AHDC1: variants seen among roughly 807,000 people sequenced by gnomAD.
AHDC1 encodes AT-hook DNA binding motif containing 1.
Under a neutral mutation model 87.9 loss-of-function variants are expected in AHDC1, and 7 were observed. The ratio of observed to expected loss-of-function variants is 0.08; its 90% CI spans 0.05 to 0.15. The LOEUF (loss-of-function observed/expected upper bound fraction) is 0.15, where lower values mean the gene tolerates loss of function less well. Among genes scored for constraint, AHDC1 ranks in the 10% least tolerant of loss-of-function variants. The pLI is 1.00. For synonymous variants in AHDC1, 1,051 were observed against 1,006.8 expected, an observed-to-expected ratio of 1.04 and a Z score of -0.83; for missense variants, 1,841 against 2,253.2, an observed-to-expected ratio of 0.82 and a Z score of 3.70.
In AHDC1 at chr1:27,547,593, G is replaced by A. The variant is rs998488441; in HGVS notation, c.4523C>T (p.Pro1508Leu). ...ACLSAPHLAS[P>L]PATPKADKEP... is the part of the protein sequence containing the mutation. ...CTTGTCGGCCTTGGGCGTGGCTGGTGGGCTAGCCAGGTGAGGGGCACTGAG... is the reference window on the plus strand; with the variant it reads ...CTTGTCGGCCTTGGGCGTGGCTGGTAGGCTAGCCAGGTGAGGGGCACTGAG... The change falls in exon 8 of 9, where the codon CCA becomes CTA. Residue 1508 changes from proline to leucine, a missense_variant. This residue lies in a region of AHDC1 where 505 missense variants were observed against 626.2 expected (regional missense o/e 0.81). Transcript: ENST00000673934. The surrounding 1 kb of genome is among the most constrained non-coding windows in gnomAD (Gnocchi z 4.9). 1 of 1,606,208 alleles carries A rather than the reference G, an allele frequency of 6.2e-7. No homozygotes were observed. Among genetic ancestry groups the A allele is most frequent in the Non-Finnish European group, 8.5e-7 (1 of 1,177,174 alleles).
intron 3 of AHDC1, among the ~76,000 whole-genome samples, 155 bp downstream of exon 3, chr1:27,603,242 G>T (rs1452532840): frequency 6.8e-6 from 1 of 146,254 alleles, no homozygotes; most frequent in Non-Finnish European, 1.5e-5. Context: ...CGCGGGCCCC[G>T]GTGGAAACAA....
chr1:27,556,578 A>G (rs2019825721), intron 5 of AHDC1, among the ~76,000 whole-genome samples: 1 of 152,110 alleles, frequency 6.6e-6, no homozygotes, highest in South Asian at 2.1e-4. Flanking sequence ...TCCCAGGCAC[A>G]ATATCATAAT....
chr1:27,542,793 G>A (rs1192897771), intron 8 of AHDC1, among the ~76,000 whole-genome samples: 2 of 152,236 alleles, frequency 1.3e-5, no homozygotes, highest in Non-Finnish European at 2.9e-5. Flanking sequence ...GGGTGAGTCG[G>A]TATGGTCGTG....
At chr1:27,594,695 G>C (rs148831512) in intron 3 of AHDC1, among the ~76,000 whole-genome samples, 1 of 152,322 alleles carries the variant, frequency 6.6e-6, no homozygotes, top group Non-Finnish European at 1.5e-5. Flanking sequence ...GAGAGAGAGA[G>C]AGCGAGAGCA....
Position 27,549,468 on chromosome 1 carries a change from C to G in AHDC1, c.2648G>C (p.Arg883Pro). ...CCGGCTAGGGAAGGTGGCCAGGCCC[C>G]GCTGGGCAGGCAGGGCACTGGTGGG... ...GPPTSALPAQ[R>P]GLATFPSRGA... is the part of the protein sequence containing the mutation. The change falls in exon 8 of 9, where the codon CGG (arginine) becomes CCG (proline). Residue 883 changes from arginine (R) to proline (P), a missense_variant. This residue lies in a region of AHDC1 where 378 missense variants were observed against 399.0 expected (regional missense o/e 0.95). Coordinates refer to ENST00000673934, the MANE Select transcript of AHDC1 (RefSeq NM_001371928.1). 6.2e-7 allele frequency: 1 copy of G among 1,612,960 alleles called. No homozygotes were observed. Among genetic ancestry groups the G allele is most frequent in the Non-Finnish European group, 8.5e-7 (1 of 1,179,854 alleles).
chr1:27,565,861 A>T lies in AHDC1; in HGVS notation c.-628-6978T>A, dbSNP rs1470432166. Among the ~76,000 whole-genome samples the T allele has an allele frequency of 1.3e-5, 2 of 152,150 alleles. No individual in the cohort carries two copies. Among genetic ancestry groups the T allele is most frequent in the Admixed American group, 6.5e-5 (1 of 15,276 alleles). On this transcript the variant is annotated intron_variant, in intron 3 of 8. Transcript: ENST00000673934. This position sits in a 1 kb window ranked among gnomAD's most constrained non-coding sequence, Gnocchi z 4.6. ...AGTGGAAGGTAGACTAGATGGATGG[A>T]GCCCATCCCCTAAAACCCTGGAAAG...
chr1:27,577,019 C>G (rs947915223), intron 3 of AHDC1, among the ~76,000 whole-genome samples: 9 of 152,182 alleles, frequency 5.9e-5, no homozygotes, highest in Non-Finnish European at 1.2e-4. Context: ...CTACCTTGCA[C>G]TGGTGACAGC....
chr1:27,537,655 G>A (rs2018704984), intron 8 of AHDC1, among the ~76,000 whole-genome samples: 2 of 152,270 alleles, frequency 1.3e-5, no homozygotes, highest in South Asian at 4.1e-4. Context: ...ACCTATATGT[G>A]GTACTGCTGC....
At chr1:27,576,484 TA>T (rs1325620035) in intron 3 of AHDC1, among the ~76,000 whole-genome samples, 1 of 152,214 alleles carries the variant, frequency 6.6e-6, no homozygotes, top group Admixed American at 6.5e-5. Context: ...AACTCAATTA[TA>T]AGGCCTCCAT....
chr1:27,599,373 T>A (rs1248991272), intron 3 of AHDC1, among the ~76,000 whole-genome samples: 4 of 151,842 alleles, frequency 2.6e-5, no homozygotes, highest in Non-Finnish European at 5.9e-5. Context: ...CCTCCCTCCC[T>A]CTCTCTCCCG....
At chr1:27,597,316 A>T (rs1487209806) in intron 3 of AHDC1, among the ~76,000 whole-genome samples, 1 of 151,698 alleles carries the variant, frequency 6.6e-6, no homozygotes, top group Non-Finnish European at 1.5e-5. Flanking sequence ...GTGAGGGTGG[A>T]GATTTACATG....
chr1:27,555,239 G>A (rs888315025), intron 5 of AHDC1, among the ~76,000 whole-genome samples: 5 of 152,206 alleles, frequency 3.3e-5, no homozygotes, highest in African/African-American at 1.2e-4. Flanking sequence ...GGACATCTGG[G>A]AATCTGTATT....
At chr1:27,557,263 C>T (rs2019863532) in intron 5 of AHDC1, among the ~76,000 whole-genome samples, 1 of 151,448 alleles carries the variant, frequency 6.6e-6, no homozygotes, top group Admixed American at 6.6e-5. Context: ...CGCCCTGCTC[C>T]GCCCCCCTCC....
chr1:27,552,375 T>G (rs2019617685), intron 7 of AHDC1, 186 bp from the exon 8 acceptor site: 3 of 444,346 alleles, frequency 6.8e-6, no homozygotes, highest in Non-Finnish European at 1.1e-5. Flanking sequence ...ATGTGTATAG[T>G]GAGCCCCTCA....
intron 3 of AHDC1, among the ~76,000 whole-genome samples, chr1:27,600,872 C>T (rs1394442574): frequency 6.6e-6 from 1 of 152,118 alleles, no homozygotes; most frequent in African/African-American, 2.4e-5. Context: ...TAACAAAGTC[C>T]CCCAGCTCCC....
At chr1:27,591,316 G>A (rs911270741) in intron 3 of AHDC1, among the ~76,000 whole-genome samples, 2 of 152,250 alleles carry the variant, frequency 1.3e-5, no homozygotes, top group African/African-American at 4.8e-5. Context: ...ACCACACCCA[G>A]CCCTGCCCTT....
chr1:27,597,682 G>A (rs568333589), intron 3 of AHDC1, among the ~76,000 whole-genome samples: 2 of 152,104 alleles, frequency 1.3e-5, no homozygotes, highest in Non-Finnish European at 2.9e-5. Context: ...CTGGCCTGGG[G>A]GTTTGGGGAG....
Position 27,550,420 on chromosome 1 carries a change from C to G in AHDC1, c.1696G>C (p.Val566Leu). 2 of 1,611,172 alleles carry G rather than the reference C, an allele frequency of 1.2e-6. No homozygotes were observed. Among genetic ancestry groups the G allele is most frequent in the Non-Finnish European group, 1.7e-6 (2 of 1,177,942 alleles). ...LGPGKPKEPAVVAAEAATVAA... is the reference protein window; with the variant it reads ...LGPGKPKEPALVAAEAATVAA... ...ACAGTGGCTGCCTCGGCCGCCACCA[C>G]AGCTGGCTCCTTGGGCTTGCCGGGA... The change falls in exon 8 of 9, where the codon GTG (valine) becomes CTG (leucine). Residue 566 changes from valine (V) to leucine (L), a missense_variant. By Grantham distance (32) the Val-to-Leu change is conservative (BLOSUM62 1). Coordinates refer to ENST00000673934, the MANE Select transcript of AHDC1 (RefSeq NM_001371928.1).
rs2089451447 is a variant in AHDC1, at chr1:27,598,933, T to C, written c.-629+4464A>G. Among the ~76,000 whole-genome samples the C allele has an allele frequency of 6.6e-6, 1 of 152,032 alleles. No homozygotes were observed. The highest frequency in any genetic ancestry group is 2.4e-5 in the African/African-American group (1 of 41,372). ...CTTCAGACAGCATCCCTTAACATTCTCCCTGGCTACTCTGTCCCTGTCCCC... is the reference window on the plus strand; with the variant it reads ...CTTCAGACAGCATCCCTTAACATTCCCCCTGGCTACTCTGTCCCTGTCCCC... On this transcript the variant is annotated intron_variant, in intron 3 of 8. Coordinates refer to ENST00000673934, the MANE Select transcript of AHDC1 (RefSeq NM_001371928.1). The surrounding 1 kb of genome is among the most constrained non-coding windows in gnomAD (Gnocchi z 4.2).
Sources: allele counts gnomAD v4.1 joint callset (sites outside exome capture counted in the v4.1 genomes callset), GRCh38; gene constraint gnomAD v4.1.1; regional missense constraint gnomAD v4.1.1; non-coding constraint Gnocchi (gnomAD v3.1); transcripts MANE v1.5; gene names NCBI Gene and HGNC (gene_info 2026-07-23, HGNC 2026-07-21).